RERE: variants seen among roughly 807,000 people sequenced by gnomAD.
RERE encodes arginine-glutamic acid dipeptide repeats.
Under a neutral mutation model 146.1 loss-of-function variants are expected in RERE, and 40 were observed. The observed-to-expected ratio is 0.27, with a 90% CI of 0.21 to 0.36. The LOEUF is 0.36. Ranked by LOEUF, RERE falls within the 10% of genes least tolerant of loss-of-function variation. The probability of loss-of-function intolerance (pLI) is 1.00; values close to 1 mark genes in which losing one functional copy is unlikely to be tolerated. For synonymous variants in RERE, 1,003 were observed against 866.0 expected (o/e 1.16, Z -2.78); for missense variants, 1,933 against 2,138.7 (o/e 0.90, Z 1.90).
At chr1:8,810,081 C>T (rs1316061371) in intron 1 of RERE, among the ~76,000 whole-genome samples, 1 of 151,706 alleles carries the variant, frequency 6.6e-6, no homozygotes, top group Non-Finnish European at 1.5e-5. Context: ...TCTCAGCTCA[C>T]TGCAACCTCC....
At chr1:8,478,094 T>A (rs1441062799) in intron 10 of RERE, among the ~76,000 whole-genome samples, 1 of 152,178 alleles carries the variant, frequency 6.6e-6, no homozygotes, top group Non-Finnish European at 1.5e-5. Context: ...AATTCTAGCT[T>A]TCCCAATCTA....
chr1:8,779,611 C>T (rs1170390842), intron 1 of RERE, among the ~76,000 whole-genome samples: 1 of 151,630 alleles, frequency 6.6e-6, no homozygotes, highest in Non-Finnish European at 1.5e-5. Flanking sequence ...TGCAATGAGC[C>T]GAGATCACGC....
chr1:8,658,877 A>T (rs1432656607), intron 1 of RERE, among the ~76,000 whole-genome samples: 1 of 152,186 alleles, frequency 6.6e-6, no homozygotes, highest in Non-Finnish European at 1.5e-5. Context: ...ACCAGAAAAG[A>T]CCTCCTCATA....
chr1:8,791,949 C>T (rs980452402), intron 1 of RERE, among the ~76,000 whole-genome samples: 1 of 152,030 alleles, frequency 6.6e-6, no homozygotes, highest in South Asian at 2.1e-4. Flanking sequence ...TAAATTAGGC[C>T]GGGCATGATA....
At chr1:8,615,348 T>A (rs1646840437) in intron 3 of RERE, among the ~76,000 whole-genome samples, 1 of 152,200 alleles carries the variant, frequency 6.6e-6, no homozygotes. Flanking sequence ...AGAAAGACAT[T>A]ACTTATTTTT....
chr1:8,449,221 A>C (rs1486220694), intron 11 of RERE, among the ~76,000 whole-genome samples: 1 of 152,146 alleles, frequency 6.6e-6, no homozygotes, highest in African/African-American at 2.4e-5. Context: ...TTATCCACAC[A>C]TCAAGCTCCT....
chr1:8,560,363 A>C lies in RERE; in HGVS notation c.523-2840T>G, dbSNP rs1313633600. ...TTGCTAAATCTCCCCTGTGGGGACA[A>C]AATTGTCCCTAGTTGAGAAATCACT... On this transcript the variant is annotated intron_variant, in intron 4 of 22. Coordinates refer to ENST00000400908, the MANE Select transcript of RERE (RefSeq NM_001042681.2). 2.6e-5 allele frequency among the ~76,000 whole-genome samples: 4 copies of C among 152,208 alleles called. No homozygotes were observed. In the East Asian group the frequency reaches 7.7e-4, roughly 29 times the overall value.
intron 4 of RERE, among the ~76,000 whole-genome samples, chr1:8,588,185 G>A (rs753846588): frequency 3.9e-5 from 6 of 152,152 alleles, no homozygotes; most frequent in Non-Finnish European, 8.8e-5. Context: ...TCTTCATGCA[G>A]TATTTATTTA....
intron 10 of RERE, among the ~76,000 whole-genome samples, chr1:8,479,098 A>G (rs1366881126): frequency 1.3e-5 from 2 of 152,154 alleles, no homozygotes; most frequent in South Asian, 2.1e-4. Context: ...TAAATAAGTC[A>G]TAACAGCTGG....
At chr1:8,447,249 A>G (rs1570254186) in intron 11 of RERE, among the ~76,000 whole-genome samples, 1 of 151,494 alleles carries the variant, frequency 6.6e-6, no homozygotes, top group South Asian at 2.1e-4. Context: ...ATGCTCCTTT[A>G]GCTCGGAGGA....
chr1:8,773,695 G>A (rs1007688348), intron 1 of RERE, among the ~76,000 whole-genome samples: 5 of 152,092 alleles, frequency 3.3e-5, no homozygotes, highest in Non-Finnish European at 5.9e-5. Flanking sequence ...GTGGTGGTGC[G>A]CATCTATAAT....
At chr1:8,722,323 T>C (rs1639879742) in intron 1 of RERE, among the ~76,000 whole-genome samples, 1 of 152,248 alleles carries the variant, frequency 6.6e-6, no homozygotes, top group South Asian at 2.1e-4. Flanking sequence ...ATCCCTTTTC[T>C]ACTTAAAACT....
intron 7 of RERE, among the ~76,000 whole-genome samples, chr1:8,513,955 C>T (rs1269454284): frequency 6.6e-6 from 1 of 152,190 alleles, no homozygotes; most frequent in African/African-American, 2.4e-5. Context: ...TTTGTAATGT[C>T]ATGCATTGGT....
chr1:8,430,174 G>C (rs1259100114), intron 11 of RERE: 3 of 152,158 alleles, frequency 2.0e-5, no homozygotes, highest in Non-Finnish European at 4.4e-5. Context: ...CTTTACTGTT[G>C]ATACTGCTTT....
intron 11 of RERE, among the ~76,000 whole-genome samples, chr1:8,452,890 AC>A (rs1200704087): frequency 6.6e-6 from 1 of 152,222 alleles, no homozygotes; most frequent in Admixed American, 6.5e-5. Context: ...GCACCCGTAC[AC>A]ATGCCCATCT....
chr1:8,726,513 A>G (rs1639972919), intron 1 of RERE, among the ~76,000 whole-genome samples: 2 of 152,182 alleles, frequency 1.3e-5, no homozygotes, highest in South Asian at 2.1e-4. Flanking sequence ...CCCTAGGGCC[A>G]TATAATTCTG....
chr1:8,636,001 T>TTTTA (rs1647097725), intron 2 of RERE, among the ~76,000 whole-genome samples: 1 of 149,820 alleles, frequency 6.7e-6, no homozygotes. Flanking sequence ...TTTTATTTTA[T>TTTTA]TTTTAAGACT....
At chr1:8,358,948 C>G (rs775097048) in intron 19 of RERE, 32 bp from the exon 20 acceptor site, 5 of 1,502,184 alleles carry the variant, frequency 3.3e-6, no homozygotes, top group Middle Eastern at 2.3e-4. Flanking sequence ...TGAGGGGTCC[C>G]CCGAGCGCCT....
chr1:8,553,166 C>T (rs564186465), intron 6 of RERE, among the ~76,000 whole-genome samples: 6 of 148,940 alleles, frequency 4.0e-5, no homozygotes, highest in African/African-American at 7.4e-5. Flanking sequence ...TCCACACATG[C>T]GTGTGCGACA....
Sources: gnomAD v4.1 joint callset for allele counts (sites outside exome capture counted in the v4.1 genomes callset) on GRCh38, gnomAD v4.1.1 for gene constraint, MANE v1.5 for transcripts, NCBI Gene and HGNC (gene_info 2026-07-23, HGNC 2026-07-21) for gene names.